PIP4K2A: variants seen among roughly 807,000 people sequenced by gnomAD.
PIP4K2A encodes the protein phosphatidylinositol-5-phosphate 4-kinase type 2 alpha.
A neutral mutation model predicts 42.9 loss-of-function variants in PIP4K2A; 14 were observed. The observed-to-expected ratio is 0.33, with a 90% confidence interval of 0.22 to 0.51. The LOEUF is 0.51. PIP4K2A is among the 20% of genes least tolerant of loss of function. The probability of loss-of-function intolerance (pLI) is 0.97; values close to 1 mark genes in which losing one functional copy is unlikely to be tolerated. For missense variants in PIP4K2A, 434 were observed against 519.8 expected (o/e 0.83, Z 1.61); for synonymous variants, 192 against 192.2 (o/e 1.00, Z 0.01).
chr10:22,654,949 G>GA (rs910392702), intron 1 of PIP4K2A, among the ~76,000 whole-genome samples: 1 of 152,112 alleles, frequency 6.6e-6, no homozygotes, highest in South Asian at 2.1e-4. Flanking sequence ...TGAGTGGACT[G>GA]AAAAAACAGT....
chr10:22,642,297 T>C (rs904113552), intron 1 of PIP4K2A, among the ~76,000 whole-genome samples: 2 of 152,194 alleles, frequency 1.3e-5, no homozygotes, highest in African/African-American at 2.4e-5. Context: ...TCAAGTTTCA[T>C]TGAATTTTGC....
At chr10:22,634,056 C>G (rs1485960659) in intron 1 of PIP4K2A, among the ~76,000 whole-genome samples, 1 of 152,172 alleles carries the variant, frequency 6.6e-6, no homozygotes, top group Admixed American at 6.5e-5. Context: ...GTAGTTAAAT[C>G]AAAATATGAT....
At chr10:22,613,547 G>A (rs933960865) in intron 1 of PIP4K2A, among the ~76,000 whole-genome samples, 6 of 152,154 alleles carry the variant, frequency 3.9e-5, no homozygotes, top group African/African-American at 1.4e-4. Flanking sequence ...ATTTTCTCTG[G>A]GGATTAGGGC....
intron 1 of PIP4K2A, among the ~76,000 whole-genome samples, chr10:22,693,610 A>G (rs1839915983): frequency 6.6e-6 from 1 of 152,076 alleles, no homozygotes; most frequent in South Asian, 2.1e-4. Flanking sequence ...GAGAGAAATT[A>G]GTTTTTAGAA....
In PIP4K2A at chr10:22,615,949, C is replaced by T. The variant is rs187936167; in HGVS notation, c.145-6232G>A. Reference sequence around the variant, plus strand: ...AGCGACTTCTTGTTCCTGTTTATGCCGGACTTCTTGTTCCTGTTTATGCCG... The same window carrying T: ...AGCGACTTCTTGTTCCTGTTTATGCTGGACTTCTTGTTCCTGTTTATGCCG... On this transcript the variant is annotated intron_variant, in intron 1 of 9. Coordinates refer to ENST00000376573, the MANE Select transcript of PIP4K2A (RefSeq NM_005028.5). Among the ~76,000 whole-genome samples, 416 of 151,894 alleles carry T rather than the reference C, an allele frequency of 2.7e-3. 4 individuals carry two copies. Among genetic ancestry groups the T allele is most frequent in the Non-Finnish European group, 4.8e-3 (326 of 67,838 alleles).
In PIP4K2A at chr10:22,598,412, G is replaced by T. The variant is rs536351140; in HGVS notation, c.340-6631C>A. 7.9e-5 allele frequency among the ~76,000 whole-genome samples: 12 copies of T among 152,292 alleles called. No homozygotes were observed. In the South Asian group the frequency reaches 2.5e-3, roughly 32 times the overall value. ...ATTCTGCACCTATCAGTTCAAAAGT[G>T]ACAGTAAGTTATTTCCTAAAGGCCT... On this transcript the variant is annotated intron_variant, in intron 3 of 9. Coordinates refer to ENST00000376573, the MANE Select transcript of PIP4K2A (RefSeq NM_005028.5).
intron 1 of PIP4K2A, among the ~76,000 whole-genome samples, chr10:22,699,778 T>C (rs1035581443): frequency 4.6e-5 from 7 of 152,176 alleles, no homozygotes; most frequent in African/African-American, 7.2e-5. Context: ...TAATGCAATA[T>C]ATGTATTTCT....
intron 3 of PIP4K2A, among the ~76,000 whole-genome samples, chr10:22,601,187 G>T (rs74121814): frequency 0.063 from 8,258 of 132,078 alleles, 781 homozygotes; most frequent in African/African-American, 0.19. Flanking sequence ...TGTCCCCAAG[G>T]CTCACGGTAA....
Position 22,649,064 on chromosome 10 carries a change from T to C in PIP4K2A, c.145-39347A>G, listed in dbSNP as rs374875526. ...CTGGGCACTGGAATATTTTCACTAA[T>C]AGTTCAAATTTGAGTTTAGCTATAT... On this transcript the variant is annotated intron_variant, in intron 1 of 9. Coordinates refer to ENST00000376573, the MANE Select transcript of PIP4K2A (RefSeq NM_005028.5). 7.5e-4 allele frequency among the ~76,000 whole-genome samples: 115 copies of C among 152,332 alleles called. No homozygotes were observed. In the South Asian group the frequency reaches 0.024, roughly 31 times the overall value.
chr10:22,653,355 G>T (rs1839031886), intron 1 of PIP4K2A, among the ~76,000 whole-genome samples: 1 of 152,104 alleles, frequency 6.6e-6, no homozygotes, highest in South Asian at 2.1e-4. Flanking sequence ...TTTCTACCCA[G>T]TGTCACACTG....
In PIP4K2A at chr10:22,607,981, C is replaced by G. The variant is rs147817344; in HGVS notation, c.285G>C (p.Pro95=). The G allele has an allele frequency of 1.4e-4, 223 of 1,613,174 alleles. No homozygotes were observed. The highest frequency in any genetic ancestry group is 1.9e-4 in the Non-Finnish European group (219 of 1,179,452). Residue 95 remains proline (P), a synonymous_variant, in exon 3 of 10, where the codon CCG becomes CCC. Coordinates refer to ENST00000376573, the MANE Select transcript of PIP4K2A (RefSeq NM_005028.5). ...TCTCCCGCAGGTTACGGAAGACCAT[C>G]GGGCAGTATTCCTTAAACTTGAAAT... ...PSHFKFKEYC[P]MVFRNLRERF...
At chr10:22,546,758 G>A (rs1836266474) in intron 7 of PIP4K2A, among the ~76,000 whole-genome samples, 1 of 152,174 alleles carries the variant, frequency 6.6e-6, no homozygotes, top group African/African-American at 2.4e-5. Context: ...ATGAAGTGTG[G>A]CAATACATCT....
chr10:22,568,973 C>T, intron 5 of PIP4K2A: 1 of 1,474,538 alleles, frequency 6.8e-7, no homozygotes, highest in South Asian at 1.2e-5. Context: ...CATCTATTGC[C>T]CTGGGTTACT....
chr10:22,709,965 T>C (rs1383057550), intron 1 of PIP4K2A, among the ~76,000 whole-genome samples: 1 of 151,918 alleles, frequency 6.6e-6, no homozygotes, highest in African/African-American at 2.4e-5. Context: ...ATTGCCTTAT[T>C]ATGTCCTATT....
At chr10:22,566,335 G>A (rs1003919933) in intron 6 of PIP4K2A, among the ~76,000 whole-genome samples, 3 of 151,988 alleles carry the variant, frequency 2.0e-5, no homozygotes, top group East Asian at 1.9e-4. Context: ...TGTGAATATC[G>A]GGGCAGGTTC....
intron 1 of PIP4K2A, among the ~76,000 whole-genome samples, chr10:22,637,827 C>A (rs546774512): frequency 5.3e-5 from 8 of 152,310 alleles, no homozygotes; most frequent in African/African-American, 1.9e-4. Flanking sequence ...GCCCATCAAG[C>A]TGGACAATGT....
intron 3 of PIP4K2A, among the ~76,000 whole-genome samples, chr10:22,597,856 G>A (rs1041980735): frequency 1.3e-5 from 2 of 152,118 alleles, no homozygotes; most frequent in African/African-American, 4.8e-5. Context: ...GGCTGGTTTA[G>A]TCCTCTTCAT....
At chr10:22,619,728 C>T (rs559279858) in intron 1 of PIP4K2A, among the ~76,000 whole-genome samples, 7 of 152,166 alleles carry the variant, frequency 4.6e-5, no homozygotes, top group African/African-American at 1.4e-4. Context: ...TGAGCCAACA[C>T]GCCCAGCTAA....
intron 1 of PIP4K2A, chr10:22,713,901 C>G (rs1387705385): frequency 8.0e-6 from 2 of 249,904 alleles, no homozygotes; most frequent in South Asian, 1.2e-4. Flanking sequence ...GGCGGGCGGA[C>G]CGGGGGCGGC....
Sources: gnomAD v4.1 joint callset for allele counts (sites outside exome capture counted in the v4.1 genomes callset) on GRCh38, gnomAD v4.1.1 for gene constraint, MANE v1.5 for transcripts, NCBI Gene and HGNC (gene_info 2026-07-23, HGNC 2026-07-21) for gene names.